CXADR: variants seen among roughly 807,000 people sequenced by gnomAD.
The protein encoded by CXADR is CXADR cell adhesion molecule, also known as coxsackievirus and adenovirus receptor.
Under a neutral mutation model 40.3 loss-of-function variants are expected in CXADR, and 20 were observed. The ratio of observed to expected loss-of-function variants is 0.50; its 90% confidence interval spans 0.35 to 0.72. The LOEUF is 0.72. Among genes scored for constraint, CXADR ranks in the 30% least tolerant of loss-of-function variants. The pLI is 0.01. For missense variants in CXADR, 332 were observed against 449.1 expected, an observed-to-expected ratio of 0.74 and a Z score of 2.36; for synonymous variants, 150 against 161.3, an observed-to-expected ratio of 0.93 and a Z score of 0.53.
chr21:17,559,681 T>G (rs1179383399), intron 4 of CXADR, among the ~76,000 whole-genome samples: 2 of 147,572 alleles, frequency 1.4e-5, no homozygotes, highest in African/African-American at 2.5e-5. Flanking sequence ...TTTTTTTTTT[T>G]TTTTTTTTTT....
rs2061212390 is a variant in CXADR, at chr21:17,566,649, G to A, written c.*957G>A. 1 of 984,694 alleles carries A rather than the reference G, an allele frequency of 1.0e-6. No homozygotes were observed. Among genetic ancestry groups the A allele is most frequent in the Non-Finnish European group, 1.2e-6 (1 of 829,438 alleles). 61.0% of individuals were successfully genotyped at this position (984,694 alleles called of 1,614,324 possible). On this transcript the variant is annotated 3_prime_UTR_variant, in exon 7 of 7. Transcript: ENST00000284878. ...ATTCTAAATTTTAAGTGGTTCTTTG[G>A]TTCCAGTGCTTTATGTTGTTGTTGT...
chr21:17,548,483 C>G (rs755109741), intron 2 of CXADR, among the ~76,000 whole-genome samples: 1 of 152,182 alleles, frequency 6.6e-6, no homozygotes, highest in Non-Finnish European at 1.5e-5. Flanking sequence ...CTTACCTCCC[C>G]CTTCTCTCCC....
At chr21:17,583,168 A>G (rs77713154) in intron 7 of CXADR, among the ~76,000 whole-genome samples, 2,977 of 152,328 alleles carry the variant, frequency 0.02, 104 homozygotes, top group African/African-American at 0.068. Flanking sequence ...GAGAGGAACC[A>G]TAATCTCTGC....
In CXADR at chr21:17,513,192, T is replaced by A. The variant is rs985042532; in HGVS notation, c.43+20T>A. On this transcript the variant is annotated intron_variant, in intron 1 of 6. Coordinates refer to ENST00000284878, the MANE Select transcript of CXADR (RefSeq NM_001338.5). ...TAGTGGGTGAGTAGGGGCCATGGGG[T>A]CCTCAGCACCCGCCCAGCCCGGGGG... 7.4e-7 allele frequency: 1 copy of A among 1,357,166 alleles called. No individual in the cohort carries two copies. The highest frequency in any genetic ancestry group is 2.0e-5 in the South Asian group (1 of 49,480). 84.1% of individuals were successfully genotyped at this position (1,357,166 alleles called of 1,614,324 possible). A position where few individuals can be genotyped will look rare whatever the true frequency, so the allele number is the denominator to read the frequency against.
intron 7 of CXADR, among the ~76,000 whole-genome samples, chr21:17,586,950 C>T (rs190061318): frequency 5.9e-4 from 90 of 152,144 alleles, no homozygotes; most frequent in African/African-American, 2.1e-3. Context: ...CATGTGTTCT[C>T]GTTGTTCAAT....
the CXADR span, chr21:17,608,799 G>T: frequency 1.7e-6 from 1 of 595,646 alleles, no homozygotes; most frequent in Non-Finnish European, 2.6e-6. Flanking sequence ...CCACCACTCC[G>T]CCAACAAATA....
At chr21:17,525,029 TA>T (rs1235183704) in intron 1 of CXADR, among the ~76,000 whole-genome samples, 2 of 152,166 alleles carry the variant, frequency 1.3e-5, no homozygotes, top group South Asian at 2.1e-4. Flanking sequence ...GATCTATTGA[TA>T]AAAAAAGGAA....
intron 6 of CXADR, among the ~76,000 whole-genome samples, chr21:17,563,360 T>C (rs530724188): frequency 6.6e-5 from 10 of 151,896 alleles, no homozygotes; most frequent in African/African-American, 2.2e-4. Flanking sequence ...GTAGGGTTAT[T>C]AAGTGGCCTA....
chr21:17,527,729 C>A (rs1360827567), intron 1 of CXADR, among the ~76,000 whole-genome samples: 1 of 152,154 alleles, frequency 6.6e-6, no homozygotes, highest in African/African-American at 2.4e-5. Context: ...TTGGGAACCC[C>A]TCATCCTTTG....
At chr21:17,519,714 T>C (rs2060505284) in intron 1 of CXADR, among the ~76,000 whole-genome samples, 1 of 152,160 alleles carries the variant, frequency 6.6e-6, no homozygotes, top group Admixed American at 6.5e-5. Flanking sequence ...GTATCCATCA[T>C]GGTAATCTCC....
At chr21:17,575,288 A>G (rs1256534167) in intron 7 of CXADR, among the ~76,000 whole-genome samples, 1 of 151,910 alleles carries the variant, frequency 6.6e-6, no homozygotes, top group Non-Finnish European at 1.5e-5. Context: ...TTGCTCAGCA[A>G]TACTCCTGCC....
At chr21:17,535,449 C>G (rs937794069) in intron 1 of CXADR, among the ~76,000 whole-genome samples, 1 of 152,066 alleles carries the variant, frequency 6.6e-6, no homozygotes, top group African/African-American at 2.4e-5. Context: ...CTTTCCTCCT[C>G]AGCGCCTCCG....
In CXADR at chr21:17,566,748, G is replaced by A; in HGVS notation, c.*1056G>A. The A allele has an allele frequency of 4.1e-6, 4 of 965,364 alleles. No individual in the cohort carries two copies. The highest frequency in any genetic ancestry group is 3.7e-6 in the Non-Finnish European group (3 of 811,990). The allele number at this position is 965,364 out of a possible 1,614,324, so 59.8% of individuals were successfully genotyped here. On this transcript the variant is annotated 3_prime_UTR_variant, in exon 7 of 7. Transcript: ENST00000284878. ...ATTTACCCTCTTGAATATAATCCCT[G>A]GATGATATTTTTTATCATAAATGCA...
chr21:17,531,962 G>C (rs553645911), intron 1 of CXADR, among the ~76,000 whole-genome samples: 3 of 151,260 alleles, frequency 2.0e-5, no homozygotes, highest in Non-Finnish European at 2.9e-5. Flanking sequence ...GGTGGTGGGG[G>C]ACAGGGTCTT....
the CXADR span, chr21:17,598,852 T>C: frequency 6.3e-7 from 1 of 1,585,096 alleles, no homozygotes; most frequent in Non-Finnish European, 8.6e-7. Context: ...AACTTACAAA[T>C]CTTGAAGTCA....
the CXADR span, chr21:17,608,781 G>A: frequency 1.4e-5 from 7 of 515,452 alleles, no homozygotes; most frequent in Non-Finnish European, 2.3e-5. Flanking sequence ...TGTCCAGGCA[G>A]TGGGACTCCA....
rs71966376 is a variant in CXADR, at chr21:17,519,976, TAC to T, written c.43+6819_43+6820del. Among the ~76,000 whole-genome samples, 1,325 of 150,046 alleles carry T rather than the reference TAC, an allele frequency of 8.8e-3. 14 individuals carry two copies. The highest frequency in any genetic ancestry group is 0.031 in the African/African-American group (1,263 of 40,926). On this transcript the variant is annotated intron_variant, in intron 1 of 6. Transcript: ENST00000284878. ...TCCATCTCAAAATAAATTATATGTA[TAC>T]ACACACACACACACGCACGCACATG...
At chr21:17,519,832 G>A (rs1036172118) in intron 1 of CXADR, among the ~76,000 whole-genome samples, 4 of 152,046 alleles carry the variant, frequency 2.6e-5, no homozygotes, top group Non-Finnish European at 4.4e-5. Flanking sequence ...GGTGATGTGC[G>A]TCTGTAATCC....
chr21:17,522,082 AG>A (rs1255398407), intron 1 of CXADR, among the ~76,000 whole-genome samples: 1 of 151,702 alleles, frequency 6.6e-6, no homozygotes, highest in Non-Finnish European at 1.5e-5. Context: ...CAGTGGGCTC[AG>A]GTGATTCTTC....
Sources: allele counts gnomAD v4.1 joint callset (sites outside exome capture counted in the v4.1 genomes callset), GRCh38; gene constraint gnomAD v4.1.1; transcripts MANE v1.5; gene names NCBI Gene and HGNC (gene_info 2026-07-23, HGNC 2026-07-21).